Variants in OPCML observed in about 807,000 individuals in gnomAD.
The protein encoded by OPCML is opioid binding protein/cell adhesion molecule like.
A neutral mutation model predicts 37.8 loss-of-function variants in OPCML; 13 were observed. The observed-to-expected ratio is 0.34, with a 90% confidence interval of 0.22 to 0.55. OPCML has a LOEUF of 0.55. OPCML is among the 20% of genes least tolerant of loss of function. OPCML has a pLI of 0.91. For missense variants in OPCML, 341 were observed against 435.6 expected, an observed-to-expected ratio of 0.78 and a Z score of 1.93; for synonymous variants, 176 against 168.8, an observed-to-expected ratio of 1.04 and a Z score of -0.33.
At chr11:132,715,164 T>C (rs963572360) in intron 2 of OPCML, among the ~76,000 whole-genome samples, 3 of 152,208 alleles carry the variant, frequency 2.0e-5, no homozygotes, top group Non-Finnish European at 2.9e-5. Flanking sequence ...GTATCATTTG[T>C]CACAAAATAG....
At chr11:132,899,223 A>C (rs1353689104) in intron 2 of OPCML, among the ~76,000 whole-genome samples, 1 of 152,192 alleles carries the variant, frequency 6.6e-6, no homozygotes, top group Non-Finnish European at 1.5e-5. Context: ...CCATGTGACT[A>C]GTTACAGAAA....
chr11:132,971,123 A>G (rs1464469778), intron 1 of OPCML, among the ~76,000 whole-genome samples: 1 of 152,222 alleles, frequency 6.6e-6, no homozygotes, highest in Non-Finnish European at 1.5e-5. Context: ...CTGTTGAGAA[A>G]GAAGGCAAGC....
Position 133,407,624 on chromosome 11 carries a change from G to T in OPCML, c.61+124640C>A, listed in dbSNP as rs533942026. Among the ~76,000 whole-genome samples, 11 of 152,130 alleles carry T rather than the reference G, an allele frequency of 7.2e-5. No individual in the cohort carries two copies. The South Asian group carries it at 2.3e-3, about 32-fold the overall frequency. On this transcript the variant is annotated intron_variant, in intron 1 of 7. Coordinates refer to ENST00000524381, the MANE Select transcript of OPCML (RefSeq NM_001012393.5). ...TGCCACCCAATGCAAACCCACACGT[G>T]GGTGGCACCTGTGCCCAGACATGTT...
At chr11:132,801,331 T>C (rs1390700230) in intron 2 of OPCML, among the ~76,000 whole-genome samples, 1 of 152,168 alleles carries the variant, frequency 6.6e-6, no homozygotes, top group African/African-American at 2.4e-5. Flanking sequence ...AAAGAACCAA[T>C]TGGTACTTTT....
At chr11:133,185,285 GATT>G (rs1938020884) in intron 1 of OPCML, among the ~76,000 whole-genome samples, 1 of 152,166 alleles carries the variant, frequency 6.6e-6, no homozygotes, top group Admixed American at 6.5e-5. Flanking sequence ...GTTTGTATAA[GATT>G]ATTTGATTTC....
chr11:132,740,016 A>C (rs541130068), intron 2 of OPCML, among the ~76,000 whole-genome samples: 5 of 152,324 alleles, frequency 3.3e-5, no homozygotes, highest in Admixed American at 1.3e-4. Context: ...CTGTGCAAAA[A>C]AGAAAAAAAT....
At chr11:132,913,394 A>T (rs910769579) in intron 2 of OPCML, among the ~76,000 whole-genome samples, 2 of 152,248 alleles carry the variant, frequency 1.3e-5, no homozygotes, top group African/African-American at 4.8e-5. Flanking sequence ...CCATTAGTAA[A>T]CATTGGTAAA....
rs892731641 is a variant in OPCML at position 133,090,821 on chromosome 11, A to G, written c.62-147811T>C. ...TTTTCAGCCTGGCTAGATTGTGAAGAACAGAAAAGTGTGTTTGAGAGAGAA... is the reference window on the plus strand; with the variant it reads ...TTTTCAGCCTGGCTAGATTGTGAAGGACAGAAAAGTGTGTTTGAGAGAGAA... On this transcript the variant is annotated intron_variant, in intron 1 of 7. Coordinates refer to ENST00000524381, the MANE Select transcript of OPCML (RefSeq NM_001012393.5). 3.5e-4 allele frequency among the ~76,000 whole-genome samples: 53 copies of G among 152,242 alleles called. 1 individual carries two copies. Among genetic ancestry groups the G allele is most frequent in the South Asian group, 6.2e-4 (3 of 4,826 alleles).
intron 3 of OPCML, among the ~76,000 whole-genome samples, chr11:132,638,186 T>TATATATATATATAG (rs71067383): frequency 7.6e-6 from 1 of 131,020 alleles, no homozygotes. Context: ...TATATATATA[T>TATATATATATATAG]ACAGAGAGAG....
rs117629071 is a variant in OPCML, at chr11:133,391,139, G to A, written c.61+141125C>T. 8.2e-4 allele frequency among the ~76,000 whole-genome samples: 125 copies of A among 152,324 alleles called. 3 individuals carry two copies. In the East Asian group the frequency reaches 0.022, roughly 27 times the overall value. On this transcript the variant is annotated intron_variant, in intron 1 of 7. Transcript: ENST00000524381. ...AAGCTGCGGAATGAATGTCGACGATGTTGCAATGGATGGTTTAATGCGAAG... is the reference window on the plus strand; with the variant it reads ...AAGCTGCGGAATGAATGTCGACGATATTGCAATGGATGGTTTAATGCGAAG...
intron 1 of OPCML, among the ~76,000 whole-genome samples, chr11:133,484,329 G>GA (rs1947483231): frequency 6.6e-6 from 1 of 152,080 alleles, no homozygotes; most frequent in South Asian, 2.1e-4. Flanking sequence ...GTCCAATGAT[G>GA]ATAATGTCCC....
At chr11:132,552,763 C>CTTTTTTTTTTTTGTTTTTTTTTTTTTTTT (rs2096385046) in intron 3 of OPCML, among the ~76,000 whole-genome samples, 1 of 92,802 alleles carries the variant, frequency 1.1e-5, no homozygotes, top group Admixed American at 1.1e-4. Flanking sequence ...AAACACTACT[C>CTTTTTTTTTTTTGTTTTTTTTTTTTTTTT]TTTTTTTTTT....
intron 2 of OPCML, among the ~76,000 whole-genome samples, chr11:132,775,045 C>T (rs780367554): frequency 1.3e-5 from 2 of 152,172 alleles, no homozygotes; most frequent in Non-Finnish European, 2.9e-5. Context: ...TTGTATATTA[C>T]AATTGATATT....
chr11:132,675,124 T>C (rs1942640714), intron 2 of OPCML, among the ~76,000 whole-genome samples: 1 of 151,690 alleles, frequency 6.6e-6, no homozygotes, highest in Non-Finnish European at 1.5e-5. Flanking sequence ...GATTTTGCCA[T>C]GCCTAGAAGT....
rs545000591 is a variant in OPCML, at chr11:132,705,061, T to C, written c.147-47742A>G. 8.4e-4 allele frequency among the ~76,000 whole-genome samples: 127 copies of C among 152,072 alleles called. No individual in the cohort carries two copies. In the South Asian group the frequency reaches 0.017, roughly 20 times the overall value. On this transcript the variant is annotated intron_variant, in intron 2 of 7. Transcript: ENST00000524381. ...AAGTTAATCATACAGAACCAGCGAG[T>C]GTGTATTTATTTATTTTACTTGGTG...
At chr11:132,677,428 A>G (rs1050377478) in intron 2 of OPCML, among the ~76,000 whole-genome samples, 2 of 152,128 alleles carry the variant, frequency 1.3e-5, no homozygotes, top group South Asian at 2.1e-4. Flanking sequence ...TGTGGACAGG[A>G]AAAAGACCCA....
intron 3 of OPCML, among the ~76,000 whole-genome samples, chr11:132,628,625 G>A (rs912441309): frequency 6.6e-6 from 1 of 152,078 alleles, no homozygotes; most frequent in African/African-American, 2.4e-5. Context: ...CGCCTGCCCT[G>A]ATTACCCTAG....
intron 3 of OPCML, among the ~76,000 whole-genome samples, chr11:132,540,851 C>T (rs1399486644): frequency 6.6e-6 from 1 of 152,182 alleles, no homozygotes; most frequent in South Asian, 2.1e-4. Context: ...GACAACTGAC[C>T]ATGATCAGAG....
chr11:133,405,196 C>G (rs1158936877), intron 1 of OPCML, among the ~76,000 whole-genome samples: 1 of 152,142 alleles, frequency 6.6e-6, no homozygotes, highest in Non-Finnish European at 1.5e-5. Context: ...GTCACCACCC[C>G]CAGGAGAACC....
Sources: gnomAD v4.1 joint callset for allele counts (sites outside exome capture counted in the v4.1 genomes callset) on GRCh38, gnomAD v4.1.1 for gene constraint, MANE v1.5 for transcripts, NCBI Gene and HGNC (gene_info 2026-07-23, HGNC 2026-07-21) for gene names.